LRBA: variants seen among roughly 807,000 people sequenced by gnomAD.
LRBA encodes the protein lipopolysaccharide-responsive and beige-like anchor protein.
Under a neutral mutation model 330.0 loss-of-function variants are expected in LRBA, and 176 were observed. The ratio of observed to expected loss-of-function variants is 0.53; its 90% CI spans 0.47 to 0.60. The LOEUF (loss-of-function observed/expected upper bound fraction) is 0.60. LRBA is among the 20% of genes least tolerant of loss of function. The pLI is 0.00. For synonymous variants in LRBA, 1,230 were observed against 1,193.0 expected (o/e 1.03, Z -0.64); for missense variants, 3,259 against 3,444.8 (o/e 0.95, Z 1.35).
chr4:150,398,492 T>C (rs1561119659), intron 47 of LRBA, among the ~76,000 whole-genome samples: 1 of 152,226 alleles, frequency 6.6e-6, no homozygotes, highest in Non-Finnish European at 1.5e-5. Context: ...ATAAAACGAT[T>C]CATAGGAAAA....
In LRBA at chr4:150,928,977, C is replaced by A. The variant is rs1454709766; in HGVS notation, c.305G>T (p.Cys102Phe). The A allele has an allele frequency of 5.6e-6, 9 of 1,613,772 alleles. No homozygotes were observed. The Admixed American group carries it at 1.5e-4, about 27-fold the overall frequency. ...INCMVDLLEK[C>F]DITCQAEVWS... ...GACTTCTGCTTGGCACGTAATGTCA[C>A]ATTTTTCCAGTAGGTCCACCATGCA... Residue 102 changes from cysteine (C) to phenylalanine (F), a missense_variant, in exon 3 of 57, where the codon TGT becomes TTT. Cys to Phe is a radical substitution (Grantham distance 205). Coordinates refer to ENST00000651943, the MANE Select transcript of LRBA (RefSeq NM_001364905.1).
rs536030492 is a variant in LRBA, at chr4:150,390,897, T to C, written c.7194+24541A>G. Reference sequence around the variant, plus strand: ...CTCCTGATGTATTGTATAATATCAGTGTCCTCATTTGTTATTACAGCATTA... The same window carrying C: ...CTCCTGATGTATTGTATAATATCAGCGTCCTCATTTGTTATTACAGCATTA... On this transcript the variant is annotated intron_variant, in intron 47 of 56. Transcript: ENST00000651943. Among the ~76,000 whole-genome samples the C allele has an allele frequency of 3.9e-5, 6 of 152,318 alleles. No homozygotes were observed. In the East Asian group the frequency reaches 1.2e-3, roughly 29 times the overall value.
intron 47 of LRBA, among the ~76,000 whole-genome samples, chr4:150,404,888 C>G (rs1474843079): frequency 1.3e-5 from 2 of 152,096 alleles, no homozygotes; most frequent in Non-Finnish European, 2.9e-5. Flanking sequence ...GTATCTAGCA[C>G]AATAACATGT....
At chr4:150,419,097 G>C (rs1748208811) in intron 46 of LRBA, among the ~76,000 whole-genome samples, 1 of 152,106 alleles carries the variant, frequency 6.6e-6, no homozygotes, top group African/African-American at 2.4e-5. Flanking sequence ...AGGTAACACT[G>C]CTAGGCTAAT....
chr4:150,964,267 G>A (rs1450037049), intron 2 of LRBA, among the ~76,000 whole-genome samples: 1 of 146,312 alleles, frequency 6.8e-6, no homozygotes, highest in East Asian at 2.0e-4. Context: ...CTGCCCAGCA[G>A]CCCCGTCTGG....
intron 34 of LRBA, among the ~76,000 whole-genome samples, chr4:150,797,509 A>T (rs549632553): frequency 2.9e-4 from 44 of 152,036 alleles, no homozygotes; most frequent in South Asian, 1.9e-3. Context: ...AGTTTTTTTT[A>T]AAAAAATCAT....
chr4:150,713,002 T>G (rs942979658), intron 36 of LRBA, among the ~76,000 whole-genome samples: 5 of 152,094 alleles, frequency 3.3e-5, no homozygotes, highest in Admixed American at 6.6e-5. Context: ...AGTGGCCCGA[T>G]TACAGTGCAC....
chr4:150,806,445 T>C (rs1260755396), intron 32 of LRBA, 41 bp from the exon 33 acceptor site: 1 of 1,361,292 alleles, frequency 7.3e-7, no homozygotes, highest in East Asian at 2.7e-5. Context: ...ATTCAACAGA[T>C]TGTATCAATT....
intron 37 of LRBA, among the ~76,000 whole-genome samples, chr4:150,655,367 C>G (rs1780084367): frequency 6.6e-6 from 1 of 152,154 alleles, no homozygotes; most frequent in Non-Finnish European, 1.5e-5. Context: ...GCTTCCAACA[C>G]TGGATGGACA....
At chr4:150,740,721 A>T (rs974044583) in intron 35 of LRBA, among the ~76,000 whole-genome samples, 3 of 152,022 alleles carry the variant, frequency 2.0e-5, no homozygotes, top group Non-Finnish European at 2.9e-5. Flanking sequence ...TATTAAAGAT[A>T]TCAATTCTCC....
chr4:150,588,662 A>G (rs1323721485), intron 39 of LRBA, among the ~76,000 whole-genome samples: 1 of 152,214 alleles, frequency 6.6e-6, no homozygotes, highest in African/African-American at 2.4e-5. Flanking sequence ...GAAATGTTAA[A>G]CCATATTTTC....
rs141446225 is a variant in LRBA at position 150,422,014 on chromosome 4, T to C, written c.7042-6424A>G. Among the ~76,000 whole-genome samples the C allele has an allele frequency of 6.6e-5, 10 of 152,246 alleles. No individual in the cohort carries two copies. In the East Asian group the frequency reaches 1.9e-3, roughly 29 times the overall value. On this transcript the variant is annotated intron_variant, in intron 46 of 56. Transcript: ENST00000651943. ...GGCTCACACCTGTGGTCCCAACATT[T>C]TGGGAGGCCAAGGTGGGAGGACTGA... is the stretch of plus-strand genomic sequence containing the variant.
chr4:150,802,810 G>C (rs7672144), intron 33 of LRBA, among the ~76,000 whole-genome samples: 132,658 of 151,814 alleles, frequency 0.87, 58,511 homozygotes, highest in Non-Finnish European at 0.95. Context: ...ACTGCTCGGG[G>C]TCAGGAGTTT....
chr4:150,429,311 G>T (rs2151979126), intron 46 of LRBA, among the ~76,000 whole-genome samples: 1 of 152,146 alleles, frequency 6.6e-6, no homozygotes, highest in South Asian at 2.1e-4. Context: ...AAAGGAAAAG[G>T]AAAATCAAAG....
intron 47 of LRBA, among the ~76,000 whole-genome samples, chr4:150,382,386 G>A (rs1229999745): frequency 2.0e-5 from 3 of 152,112 alleles, no homozygotes; most frequent in African/African-American, 7.2e-5. Flanking sequence ...CACTTTGGGA[G>A]GTTAAGGTGG....
At chr4:150,622,384 T>A (rs1453718466) in intron 37 of LRBA, among the ~76,000 whole-genome samples, 4 of 152,234 alleles carry the variant, frequency 2.6e-5, no homozygotes, top group Non-Finnish European at 5.9e-5. Context: ...ACAAAAGTTA[T>A]AAAAAGTAGC....
intron 56 of LRBA, among the ~76,000 whole-genome samples, chr4:150,276,669 A>C (rs1246219902): frequency 6.6e-6 from 1 of 152,258 alleles, no homozygotes; most frequent in Non-Finnish European, 1.5e-5. Flanking sequence ...CAAACATATG[A>C]ATAAAAGCTC....
intron 47 of LRBA, among the ~76,000 whole-genome samples, chr4:150,412,895 T>A (rs1289148814): frequency 6.6e-6 from 1 of 151,270 alleles, no homozygotes; most frequent in African/African-American, 2.4e-5. Context: ...ATTTTTTAAA[T>A]CGTGATTCAA....
At chr4:150,862,379 G>C (rs1752063948) in intron 22 of LRBA, among the ~76,000 whole-genome samples, 2 of 152,074 alleles carry the variant, frequency 1.3e-5, no homozygotes. Flanking sequence ...GTCCTTTGTA[G>C]GGACATGGAT....
Sources: allele counts gnomAD v4.1 joint callset (sites outside exome capture counted in the v4.1 genomes callset), GRCh38; gene constraint gnomAD v4.1.1; transcripts MANE v1.5; gene names NCBI Gene and HGNC (gene_info 2026-07-23, HGNC 2026-07-21).